Variants in FGF13 observed in about 807,000 individuals in gnomAD.
FGF13 encodes fibroblast growth factor 13.
Under a neutral mutation model 19.5 loss-of-function variants are expected in FGF13, and 2 were observed. The observed-to-expected ratio is 0.10, with a 90% CI of 0.04 to 0.32. FGF13 has a LOEUF of 0.32. FGF13 is among the 10% of genes least tolerant of loss of function. The pLI, the probability that FGF13 is intolerant of heterozygous loss-of-function variation, is 1.00. For synonymous variants in FGF13, 72 were observed against 76.9 expected (o/e 0.94, Z 0.33); for missense variants, 113 against 192.7 (o/e 0.59, Z 2.45).
At chrX:139,057,891 T>A (rs1366494126) in intron 1 of FGF13, among the ~76,000 whole-genome samples, 1 of 111,749 alleles carries the variant, frequency 8.9e-6, no homozygotes, top group Non-Finnish European at 1.9e-5. Context: ...GAAATAAGGT[T>A]TAGAAGAAAA....
chrX:139,177,733 A>G lies in FGF13; in HGVS notation c.-113+25683T>C, dbSNP rs143296038. ...GCTTCAGCCCTTTTCCAGGGGAGTGAACATTTCTCTCTCTCTTGCATTCCA... is the reference window on the plus strand; with the variant it reads ...GCTTCAGCCCTTTTCCAGGGGAGTGGACATTTCTCTCTCTCTTGCATTCCA... On this transcript the variant is annotated intron_variant, in intron 1 of 2. Transcript: ENST00000421460. Among the ~76,000 whole-genome samples the G allele has an allele frequency of 6.1e-3, 677 of 111,293 alleles. 4 individuals are homozygous for G. Among genetic ancestry groups the G allele is most frequent in the African/African-American group, 0.021 (647 of 30,578 alleles).
In FGF13 at chrX:138,616,850, T is replaced by C. The variant is rs996972549; in HGVS notation, c.*16000A>G. On this transcript the variant is annotated 3_prime_UTR_variant, in exon 5 of 5. Transcript: ENST00000315930. ...TGTGTAAGCTGCCAAAGCTTGGGGA[T>C]TGCACTCTCTGAAACAATGGCCTGA... The C allele has an allele frequency of 8.9e-6, 1 of 112,121 alleles. No individual in the cohort carries two copies. Among genetic ancestry groups the C allele is most frequent in the East Asian group, 2.8e-4 (1 of 3,550 alleles). 9.2% of individuals were successfully genotyped at this position (112,121 alleles called of 1,213,427 possible). A position where few individuals can be genotyped will look rare whatever the true frequency, so the allele number is the denominator to read the frequency against.
At chrX:139,029,407 G>A (rs1014533699) in intron 1 of FGF13, among the ~76,000 whole-genome samples, 1 of 111,563 alleles carries the variant, frequency 9.0e-6, no homozygotes, top group Non-Finnish European at 1.9e-5. Flanking sequence ...TTTTACACCC[G>A]TAATATATCT....
At chrX:139,017,983 G>A (rs759861225) in intron 1 of FGF13, among the ~76,000 whole-genome samples, 2 of 111,882 alleles carry the variant, frequency 1.8e-5, no homozygotes, top group Non-Finnish European at 3.8e-5. Flanking sequence ...ATAAATCTAT[G>A]TTGTTGGGAG....
intron 1 of FGF13, among the ~76,000 whole-genome samples, chrX:139,001,532 T>C (rs1245553359): frequency 9.0e-6 from 1 of 110,519 alleles, no homozygotes; most frequent in East Asian, 2.9e-4. Flanking sequence ...GAGTGAAGGA[T>C]ATGAACAGAC....
At chrX:139,067,739 C>T (rs1005617995) in intron 1 of FGF13, among the ~76,000 whole-genome samples, 4 of 112,198 alleles carry the variant, frequency 3.6e-5, no homozygotes, top group Non-Finnish European at 5.6e-5. Context: ...CTGCTATCCC[C>T]ATCAAGCTAC....
chrX:138,911,602 C>G (rs767358437), intron 1 of FGF13, among the ~76,000 whole-genome samples: 2 of 111,248 alleles, frequency 1.8e-5, no homozygotes, highest in East Asian at 5.7e-4. Context: ...CACATGTACC[C>G]CTGAAATTAA....
intron 1 of FGF13, among the ~76,000 whole-genome samples, chrX:139,057,517 T>C (rs2092323683): frequency 8.9e-6 from 1 of 111,924 alleles, no homozygotes; most frequent in African/African-American, 3.2e-5. Flanking sequence ...AGAAATGGAA[T>C]GTATACCCAG....
At chrX:139,005,193 G>GGCCC (rs2092095550) in intron 1 of FGF13, among the ~76,000 whole-genome samples, 2 of 24,669 alleles carry the variant, frequency 8.1e-5, no homozygotes, top group Non-Finnish European at 1.1e-4. Context: ...TTGTGTCACT[G>GGCCC]CCCCCCCCCC....
At chrX:139,068,050 A>G (rs750228759) in intron 1 of FGF13, among the ~76,000 whole-genome samples, 154 of 100,098 alleles carry the variant, frequency 1.5e-3, no homozygotes, top group South Asian at 4.9e-3. Flanking sequence ...TTAGACATGA[A>G]GTCCTTGCCC....
chrX:139,080,058 C>CCACA (rs61341655), intron 1 of FGF13, among the ~76,000 whole-genome samples: 21,178 of 105,160 alleles, frequency 0.2, 2,015 homozygotes, highest in African/African-American at 0.33. Context: ...GAAAATATTA[C>CCACA]CACACACACA....
intron 1 of FGF13, among the ~76,000 whole-genome samples, chrX:139,004,372 C>T (rs2092091030): frequency 1.8e-5 from 2 of 112,711 alleles, no homozygotes; most frequent in South Asian, 3.6e-4. Context: ...GGCCGGCAAG[C>T]GCCGCACGCA....
intron 3 of FGF13, among the ~76,000 whole-genome samples, chrX:138,790,989 A>C (rs2090738188): frequency 8.9e-6 from 1 of 112,243 alleles, no homozygotes; most frequent in Non-Finnish European, 1.9e-5. Context: ...ATTCAGAAAA[A>C]ACAATAAAAA....
chrX:138,879,546 A>G (rs2091410886), intron 1 of FGF13, among the ~76,000 whole-genome samples: 1 of 109,443 alleles, frequency 9.1e-6, no homozygotes, highest in Non-Finnish European at 1.9e-5. Context: ...TCGGGGGTAC[A>G]TGTGCAGAAT....
At chrX:139,022,382 C>T (rs1295724970) in intron 1 of FGF13, among the ~76,000 whole-genome samples, 1 of 111,911 alleles carries the variant, frequency 8.9e-6, no homozygotes, top group African/African-American at 3.2e-5. Context: ...TTTTTAGGCA[C>T]ACAATACACA....
At chrX:138,639,490 C>T (rs2089224731) in intron 3 of FGF13, among the ~76,000 whole-genome samples, 1 of 112,192 alleles carries the variant, frequency 8.9e-6, no homozygotes, top group African/African-American at 3.2e-5. Flanking sequence ...GACATGAGTA[C>T]AAAATAAAAG....
At chrX:138,776,846 G>A (rs975453161) in intron 3 of FGF13, among the ~76,000 whole-genome samples, 7 of 111,520 alleles carry the variant, frequency 6.3e-5, no homozygotes, top group Admixed American at 1.9e-4. Flanking sequence ...ACTACAATCA[G>A]ATGTCTGGTC....
chrX:139,154,698 G>C (rs1248015954), intron 1 of FGF13, among the ~76,000 whole-genome samples: 1 of 111,904 alleles, frequency 8.9e-6, no homozygotes, highest in Non-Finnish European at 1.9e-5. Flanking sequence ...GTGTAGTCAG[G>C]AGCCCTAGGC....
rs185486359 is a variant in FGF13, at chrX:139,003,934, C to T, written c.-112-139284G>A. On this transcript the variant is annotated intron_variant, in intron 1 of 2. Coordinates refer to the FGF13 transcript ENST00000421460. ...TAGACATAAAGACTCTCCACGTCCC[C>T]ACCAGACTCAGGAGCCCAGGTGGCT... 8.7e-3 allele frequency among the ~76,000 whole-genome samples: 986 copies of T among 112,845 alleles called. 11 individuals are homozygous for T. The highest frequency in any genetic ancestry group is 0.029 in the African/African-American group (909 of 31,122).
Sources: allele counts gnomAD v4.1 joint callset (sites outside exome capture counted in the v4.1 genomes callset), GRCh38; gene constraint gnomAD v4.1.1; transcripts MANE v1.5; gene names NCBI Gene and HGNC (gene_info 2026-07-23, HGNC 2026-07-21).